The following TBCEL variants were observed in gnomAD, a reference collection of about 807,000 sequenced individuals.
The protein encoded by TBCEL is tubulin folding cofactor E like, also known as tubulin-specific chaperone cofactor E-like protein.
TBCEL carries 15 observed loss-of-function variants against 44.2 expected under a neutral mutation model. That is an observed-to-expected ratio of 0.34 (90% CI 0.23 to 0.52). The LOEUF is 0.52. Ranked by LOEUF, TBCEL falls within the 20% of genes least tolerant of loss-of-function variation. TBCEL has a pLI of 0.95. For missense variants in TBCEL, 319 were observed against 506.3 expected, an observed-to-expected ratio of 0.63 and a Z score of 3.55; for synonymous variants, 171 against 185.4, an observed-to-expected ratio of 0.92 and a Z score of 0.63.
intron 8 of TBCEL, among the ~76,000 whole-genome samples, chr11:121,074,429 T>C (rs1312048146): frequency 6.6e-6 from 1 of 152,042 alleles, no homozygotes; most frequent in Non-Finnish European, 1.5e-5. Context: ...ACCATAGATC[T>C]TCAATAGCAT....
chr11:121,070,731 A>T (rs1374360138), intron 8 of TBCEL, among the ~76,000 whole-genome samples: 1 of 151,736 alleles, frequency 6.6e-6, no homozygotes, highest in African/African-American at 2.4e-5. Context: ...GAGGGATAGC[A>T]TTAGGAGAAA....
chr11:121,078,483 A>C (rs1005115180), intron 8 of TBCEL, among the ~76,000 whole-genome samples: 2 of 152,194 alleles, frequency 1.3e-5, no homozygotes, highest in Non-Finnish European at 2.9e-5. Flanking sequence ...GCATATTCCT[A>C]GTCTTAAGCA....
At chr11:121,081,593 G>A (rs370453635) in intron 8 of TBCEL, among the ~76,000 whole-genome samples, 139 of 152,264 alleles carry the variant, frequency 9.1e-4, no homozygotes, top group African/African-American at 3.2e-3. Context: ...AAAAGCTCAG[G>A]CATGCAATGC....
rs189342947 is a variant in TBCEL, at chr11:121,079,909, G to A, written c.957-6869G>A. On this transcript the variant is annotated intron_variant, in intron 8 of 8. Coordinates refer to ENST00000683345, the MANE Select transcript of TBCEL (RefSeq NM_001363644.2). ...GGCTCACTGCAACCTCCACCTCCCC[G>A]GTTCAAGCAATTCTCCTGCCTTAGC... 3.4e-3 allele frequency among the ~76,000 whole-genome samples: 511 copies of A among 152,194 alleles called. 1 individual carries two copies. The highest frequency in any genetic ancestry group is 5.6e-3 in the Non-Finnish European group (379 of 68,004).
chr11:121,077,462 A>G (rs536136834), intron 8 of TBCEL, among the ~76,000 whole-genome samples: 8 of 152,204 alleles, frequency 5.3e-5, no homozygotes, highest in East Asian at 1.9e-4. Context: ...TTTAATGTCT[A>G]TGTGGTCTGT....
Position 121,045,632 on chromosome 11 carries a change from A to G in TBCEL, c.-17-42A>G, listed in dbSNP as rs1479252398. ...CAATAAATACTTCTTATGTGAGTAA[A>G]TACATAATTACATAATTTGATTATT... On this transcript the variant is annotated intron_variant, in intron 2 of 8. Transcript: ENST00000683345. 2.0e-6 allele frequency: 3 copies of G among 1,477,324 alleles called. No homozygotes were observed. The East Asian group carries it at 6.9e-5, about 34-fold the overall frequency. The allele number at this position is 1,477,324 out of a possible 1,614,324, so 91.5% of individuals were successfully genotyped here.
chr11:121,084,903 C>T (rs1052751390), intron 8 of TBCEL, among the ~76,000 whole-genome samples: 1 of 151,860 alleles, frequency 6.6e-6, no homozygotes, highest in African/African-American at 2.4e-5. Context: ...AATTTCAAGT[C>T]CTGGCAGCTT....
At chr11:121,068,337 C>G (rs937107187) in intron 8 of TBCEL, among the ~76,000 whole-genome samples, 1 of 151,990 alleles carries the variant, frequency 6.6e-6, no homozygotes, top group Non-Finnish European at 1.5e-5. Context: ...GGAAAAAACA[C>G]TGGAGTCATT....
chr11:121,041,959 G>C (rs759728992), intron 2 of TBCEL, among the ~76,000 whole-genome samples: 14 of 151,044 alleles, frequency 9.3e-5, no homozygotes, highest in Non-Finnish European at 1.8e-4. Context: ...ATTTGGAAGA[G>C]TTCTTACAGT....
chr11:121,057,560 G>A, intron 6 of TBCEL: 1 of 453,734 alleles, frequency 2.2e-6, no homozygotes, highest in Non-Finnish European at 4.4e-6. Flanking sequence ...CCATATTCAT[G>A]GACTTCATCC....
intron 8 of TBCEL, among the ~76,000 whole-genome samples, chr11:121,073,259 G>A (rs181791192): frequency 3.9e-5 from 6 of 151,954 alleles, no homozygotes; most frequent in Admixed American, 3.9e-4. Context: ...TGATGCTATT[G>A]TATATTCCTA....
In TBCEL at chr11:121,048,841, T is replaced by C. The variant is rs528803224; in HGVS notation, c.273+1174T>C. ...AAAATAAAAAGCTTCCTTGCTTTTA[T>C]TCATTCTGAACCCACTGCTCTCTTT... On this transcript the variant is annotated intron_variant, in intron 4 of 8. Transcript: ENST00000683345. 1.4e-4 allele frequency among the ~76,000 whole-genome samples: 21 copies of C among 152,062 alleles called. No homozygotes were observed. The South Asian group carries it at 4.4e-3, about 32-fold the overall frequency.
intron 8 of TBCEL, among the ~76,000 whole-genome samples, chr11:121,072,298 G>A (rs1448577448): frequency 2.0e-5 from 3 of 152,106 alleles, no homozygotes; most frequent in Non-Finnish European, 4.4e-5. Context: ...CTGAACTTTT[G>A]TTTTGGCCAG....
At chr11:121,071,266 A>G (rs1426252919) in intron 8 of TBCEL, among the ~76,000 whole-genome samples, 2 of 152,112 alleles carry the variant, frequency 1.3e-5, no homozygotes, top group Non-Finnish European at 2.9e-5. Flanking sequence ...TACCTAATAC[A>G]CAGTCATCCT....
In TBCEL at chr11:121,086,787, A is replaced by G; in HGVS notation, c.966A>G (p.Glu322=). The change falls in exon 9 of 9, where the codon GAA becomes GAG. Residue 322 remains glutamate, a synonymous_variant. Transcript: ENST00000683345. The part of the protein sequence containing the change: ...PQEEVPFRYH[E]LITKYGKLEP... ...TTTTTAATCCTTCTAGGTATCATGA[A>G]CTGATCACTAAATATGGGAAGTTGG... 1.9e-6 allele frequency: 3 copies of G among 1,612,986 alleles called. No individual in the cohort carries two copies. In the African/African-American group the frequency reaches 4.0e-5, roughly 22 times the overall value.
Position 121,055,114 on chromosome 11 carries a change from G to C in TBCEL, c.518G>C (p.Cys173Ser). The change falls in exon 6 of 9, where the codon TGT becomes TCT. Residue 173 changes from cysteine to serine, a missense_variant. Cys to Ser is a moderately radical substitution (Grantham distance 112). Transcript: ENST00000683345. ...ACAGTGTCTTGTCCTTCTATTTGCT[G>C]TCATTCTCTTAAGCTACTACATATA... Reference protein sequence around the residue: ...YETVSCPSICCHSLKLLHITD... With the variant: ...YETVSCPSICSHSLKLLHITD... 1.2e-6 allele frequency: 2 copies of C among 1,604,434 alleles called. No homozygotes were observed. The highest frequency in any genetic ancestry group is 1.7e-4 in the Middle Eastern group (1 of 6,008).
intron 8 of TBCEL, 68 bp from the exon 9 acceptor site, chr11:121,086,710 G>A: frequency 2.6e-6 from 3 of 1,169,338 alleles, no homozygotes; most frequent in Non-Finnish European, 3.7e-6. Flanking sequence ...TTTATCTGTA[G>A]TTGGGAAGAA....
At chr11:121,041,732 C>A (rs1434107934) in intron 2 of TBCEL, among the ~76,000 whole-genome samples, 5 of 151,434 alleles carry the variant, frequency 3.3e-5, no homozygotes, top group Admixed American at 6.6e-5. Flanking sequence ...ACCTACTGTT[C>A]CTCCTCAAAC....
chr11:121,037,908 TTTG>T (rs1555113878), intron 2 of TBCEL, among the ~76,000 whole-genome samples: 3 of 152,134 alleles, frequency 2.0e-5, no homozygotes, highest in Admixed American at 6.5e-5. Context: ...GGTTACTGGT[TTTG>T]TTGTTGTTGT....
Sources: gnomAD v4.1 joint callset for allele counts (sites outside exome capture counted in the v4.1 genomes callset) on GRCh38, gnomAD v4.1.1 for gene constraint, MANE v1.5 for transcripts, NCBI Gene and HGNC (gene_info 2026-07-23, HGNC 2026-07-21) for gene names.